PHACTR2: variants seen among roughly 807,000 people sequenced by gnomAD.
The protein encoded by PHACTR2 is phosphatase and actin regulator 2.
Under a neutral mutation model 76.0 loss-of-function variants are expected in PHACTR2, and 30 were observed. That is an observed-to-expected ratio of 0.39 (90% CI 0.30 to 0.54). The LOEUF (loss-of-function observed/expected upper bound fraction) is 0.54. PHACTR2 is among the 20% of genes least tolerant of loss of function. The pLI is 0.61. For synonymous variants in PHACTR2, 292 were observed against 292.5 expected, an observed-to-expected ratio of 1.00 and a Z score of 0.02; for missense variants, 696 against 781.1, an observed-to-expected ratio of 0.89 and a Z score of 1.30.
intron 1 of PHACTR2, among the ~76,000 whole-genome samples, chr6:143,690,838 AT>A (rs1316961078): frequency 6.6e-6 from 1 of 152,018 alleles, no homozygotes; most frequent in East Asian, 1.9e-4. Flanking sequence ...ATGTGCTGGC[AT>A]TTTTTAAGAA....
upstream of PHACTR2, among the ~76,000 whole-genome samples, chr6:143,604,908 A>G (rs140623828): frequency 0.017 from 2,410 of 139,728 alleles, 42 homozygotes; most frequent in Middle Eastern, 0.036. Context: ...AAAAAAGAGA[A>G]AAAAAAGAAA....
rs141517748 is a variant in PHACTR2, at chr6:143,659,487, C to T, written c.13+51165C>T. ...TGCATGTGGTCACTGGGCAGCACGCCATTCCTTGCAGAATGCCAGACTGAG... is the reference window on the plus strand; with the variant it reads ...TGCATGTGGTCACTGGGCAGCACGCTATTCCTTGCAGAATGCCAGACTGAG... On this transcript the variant is annotated intron_variant, in intron 1 of 11. Coordinates refer to the PHACTR2 transcript ENST00000305766. This position sits in a 1 kb window ranked among gnomAD's most constrained non-coding sequence, Gnocchi z 5.0. Among the ~76,000 whole-genome samples the T allele has an allele frequency of 5.5e-4, 84 of 152,300 alleles. No individual in the cohort carries two copies. Among genetic ancestry groups the T allele is most frequent in the Non-Finnish European group, 9.8e-4 (67 of 68,034 alleles).
upstream of PHACTR2, among the ~76,000 whole-genome samples, chr6:143,605,126 C>G (rs1261354204): frequency 6.6e-6 from 1 of 152,030 alleles, no homozygotes; most frequent in South Asian, 2.1e-4. This position sits in a 1 kb window ranked among gnomAD's most constrained non-coding sequence, Gnocchi z 5.0. Flanking sequence ...CAGGCAAACA[C>G]TCTCTTAAAA....
chr6:143,716,651 C>G (rs1187290429), intron 2 of PHACTR2, among the ~76,000 whole-genome samples: 5 of 152,126 alleles, frequency 3.3e-5, no homozygotes, highest in Non-Finnish European at 7.4e-5. Context: ...TGGCCTTATC[C>G]TTTTTTAAAG....
At chr6:143,675,406 G>T (rs1262885478), upstream of PHACTR2, among the ~76,000 whole-genome samples, 1 of 152,160 alleles carries the variant, frequency 6.6e-6, no homozygotes, top group African/African-American at 2.4e-5. This position sits in a 1 kb window ranked among gnomAD's most constrained non-coding sequence, Gnocchi z 4.9. Flanking sequence ...AGGCTGGTGG[G>T]CCAAATTGTT....
At position 143,734,277 on chromosome 6, in the gene PHACTR2, A is replaced by T. The variant is rs534698377; in HGVS notation, c.215-14708A>T. Among the ~76,000 whole-genome samples, 29 of 152,338 alleles carry T rather than the reference A, an allele frequency of 1.9e-4. No homozygotes were observed. The South Asian group carries it at 5.2e-3, about 27-fold the overall frequency. On this transcript the variant is annotated intron_variant, in intron 2 of 12. Transcript: ENST00000440869. ...CAGCTGCACAATAAATGGCCTAACC[A>T]TCAGGTCCTACCTCTTACAGATCGA...
In PHACTR2 at chr6:143,553,974, A is replaced by G. The variant is rs1451127249; in HGVS notation, c.217+16767A>G. ...AGCAAGGGCAAAGGCCCCAAGGAAC[A>G]GAAAAGAATCCCGGGTTGGGCCCCT... On this transcript the variant is annotated intron_variant, in intron 1 of 11. Transcript: ENST00000367584. The surrounding 1 kb of genome is among the most constrained non-coding windows in gnomAD (Gnocchi z 4.2). Among the ~76,000 whole-genome samples the G allele has an allele frequency of 6.6e-6, 1 of 152,200 alleles. No homozygotes were observed. The highest frequency in any genetic ancestry group is 1.5e-5 in the Non-Finnish European group (1 of 68,040).
At position 143,795,491 on chromosome 6, in the gene PHACTR2, A is replaced by G. The variant is rs1177930872; in HGVS notation, c.1845+6581A>G. 1.3e-5 allele frequency among the ~76,000 whole-genome samples: 2 copies of G among 152,262 alleles called. No homozygotes were observed. The highest frequency in any genetic ancestry group is 4.8e-5 in the African/African-American group (2 of 41,474). On this transcript the variant is annotated intron_variant, in intron 11 of 12. Transcript: ENST00000440869. This position sits in a 1 kb window ranked among gnomAD's most constrained non-coding sequence, Gnocchi z 4.8. ...GAGCACTAGAAACAGATATATGTAC[A>G]GTAAAATAGAGATGGCCTGGTTTCC...
In PHACTR2 at chr6:143,662,886, C is replaced by T. The variant is rs1157495947; in HGVS notation, c.14-49130C>T. ...TCTTCTCCTTTCCCCCTATAGTACACAGTGTCTATTGTTCTCATGTTTATG... is the reference window on the plus strand; with the variant it reads ...TCTTCTCCTTTCCCCCTATAGTACATAGTGTCTATTGTTCTCATGTTTATG... On this transcript the variant is annotated intron_variant, in intron 1 of 11. Transcript: ENST00000305766. The surrounding 1 kb of genome is among the most constrained non-coding windows in gnomAD (Gnocchi z 4.7). 6.6e-6 allele frequency among the ~76,000 whole-genome samples: 1 copy of T among 152,122 alleles called. No individual in the cohort carries two copies. Among genetic ancestry groups the T allele is most frequent in the Non-Finnish European group, 1.5e-5 (1 of 68,024 alleles).
rs1411321418 is a variant in PHACTR2, at chr6:143,816,474, C to CT, written c.1923-7195dup. ...GCTTTTGTTTTCCTTCTGGTTGTTA[C>CT]TTTTTACCGAATCTGGGCAATCTAT... On this transcript the variant is annotated intron_variant, in intron 12 of 12. Transcript: ENST00000440869. This position sits in a 1 kb window ranked among gnomAD's most constrained non-coding sequence, Gnocchi z 4.5. Among the ~76,000 whole-genome samples the CT allele has an allele frequency of 2.6e-5, 4 of 152,056 alleles. No individual in the cohort carries two copies. The highest frequency in any genetic ancestry group is 5.9e-5 in the Non-Finnish European group (4 of 68,008).
At chr6:143,723,970 CT>C (rs1336019627) in intron 2 of PHACTR2, among the ~76,000 whole-genome samples, 15 of 146,030 alleles carry the variant, frequency 1.0e-4, no homozygotes, top group Non-Finnish European at 7.6e-5. Context: ...TTCTTTTTTT[CT>C]TTTTTTTTTG....
At chr6:143,770,898 C>A (rs1582862353) in intron 6 of PHACTR2, among the ~76,000 whole-genome samples, 1 of 146,398 alleles carries the variant, frequency 6.8e-6, no homozygotes. Context: ...TGCTTCCTTG[C>A]ATATCACCTT....
intron 1 of PHACTR2, among the ~76,000 whole-genome samples, chr6:143,636,574 T>C (rs989046572): frequency 6.6e-6 from 1 of 152,210 alleles, no homozygotes; most frequent in African/African-American, 2.4e-5. Context: ...TATTAAACTA[T>C]TTGATTCACA....
Position 143,760,702 on chromosome 6 carries a change from TAA to T in PHACTR2, c.694+63_694+64del, listed in dbSNP as rs1779422036. ...AGGGTGCTTGGCTCTGGGATGGGGC[TAA>T]TTGTTTCTTCTAGGTGTGATGGGCT... On this transcript the variant is annotated intron_variant, in intron 5 of 12. Transcript: ENST00000440869. The surrounding 1 kb of genome is among the most constrained non-coding windows in gnomAD (Gnocchi z 6.4). 6.4e-7 allele frequency: 1 copy of T among 1,565,348 alleles called. No individual in the cohort carries two copies. The highest frequency in any genetic ancestry group is 1.2e-5 in the South Asian group (1 of 85,102).
rs962893904 is a variant in PHACTR2, at chr6:143,738,081, T to C, written c.215-10904T>C. Among the ~76,000 whole-genome samples, 5 of 152,332 alleles carry C rather than the reference T, an allele frequency of 3.3e-5. No individual in the cohort carries two copies. The highest frequency in any genetic ancestry group is 3.4e-3 in the Middle Eastern group (1 of 294). Reference sequence around the variant, plus strand: ...TTGGTGTTGTTTTAATATGTATTGTTCATGGCTCAACTCAATAAAAAATAG... The same window carrying C: ...TTGGTGTTGTTTTAATATGTATTGTCCATGGCTCAACTCAATAAAAAATAG... On this transcript the variant is annotated intron_variant, in intron 2 of 12. Coordinates refer to ENST00000440869, the MANE Select transcript of PHACTR2 (RefSeq NM_001100164.2). This position sits in a 1 kb window ranked among gnomAD's most constrained non-coding sequence, Gnocchi z 4.0.
At position 143,595,753 on chromosome 6, in the gene PHACTR2, CTG is replaced by C. The variant is rs1775743362; in HGVS notation, c.217+58548_217+58549del. ...TTGTTTTTAAAGAGAGAAAAAAGTG[CTG>C]TTAGAATAAAAATAAAGAATGTTAC... On this transcript the variant is annotated intron_variant, in intron 1 of 11. Coordinates refer to the PHACTR2 transcript ENST00000367584. The surrounding 1 kb of genome is among the most constrained non-coding windows in gnomAD (Gnocchi z 4.2). Among the ~76,000 whole-genome samples, 1 of 152,150 alleles carries C rather than the reference CTG, an allele frequency of 6.6e-6. No homozygotes were observed. Among genetic ancestry groups the C allele is most frequent in the Non-Finnish European group, 1.5e-5 (1 of 68,032 alleles).
rs530190777 is a variant in PHACTR2 at position 143,787,785 on chromosome 6, G to A, written c.1708-988G>A. On this transcript the variant is annotated intron_variant, in intron 10 of 12. Coordinates refer to ENST00000440869, the MANE Select transcript of PHACTR2 (RefSeq NM_001100164.2). This position sits in a 1 kb window ranked among gnomAD's most constrained non-coding sequence, Gnocchi z 4.6. ...TAAAAAAAAAATAAGCAATATCTCC[G>A]GAGAGGACCACTTAGATGATGGGTA... Among the ~76,000 whole-genome samples the A allele has an allele frequency of 3.0e-4, 46 of 152,180 alleles. No homozygotes were observed. The highest frequency in any genetic ancestry group is 4.7e-4 in the Non-Finnish European group (32 of 68,012).
chr6:143,614,755 C>T (rs780075442), intron 1 of PHACTR2, among the ~76,000 whole-genome samples: 11 of 152,152 alleles, frequency 7.2e-5, no homozygotes, highest in African/African-American at 1.4e-4. Flanking sequence ...TAACCTTTCA[C>T]TGCTCATAAA....
rs990027093 is a variant in PHACTR2, at chr6:143,537,643, C to T, written c.217+436C>T. Among the ~76,000 whole-genome samples the T allele has an allele frequency of 1.3e-5, 2 of 152,164 alleles. No homozygotes were observed. The highest frequency in any genetic ancestry group is 4.8e-5 in the African/African-American group (2 of 41,450). On this transcript the variant is annotated intron_variant, in intron 1 of 11. Transcript: ENST00000367584. This position sits in a 1 kb window ranked among gnomAD's most constrained non-coding sequence, Gnocchi z 4.4. ...TGGGACCAGGGCAGGTCTTGGGAGG[C>T]TTCCCAACTAACTGCTTATGGTTCT...
Sources: gnomAD v4.1 joint callset for allele counts (sites outside exome capture counted in the v4.1 genomes callset) on GRCh38, gnomAD v4.1.1 for gene constraint, Gnocchi (gnomAD v3.1) non-coding constraint, MANE v1.5 for transcripts, NCBI Gene and HGNC (gene_info 2026-07-23, HGNC 2026-07-21) for gene names.